The following SLC9A9 variants were observed in gnomAD, a reference collection of about 807,000 sequenced individuals.
SLC9A9 encodes sodium/hydrogen exchanger 9.
Under a neutral mutation model 77.8 loss-of-function variants are expected in SLC9A9, and 62 were observed. The observed-to-expected ratio is 0.80, with a 90% CI of 0.65 to 0.98. SLC9A9 has a LOEUF of 0.98. Ranked by LOEUF, SLC9A9 falls within the 50% of genes least tolerant of loss-of-function variation. The pLI is 0.00. For missense variants in SLC9A9, 775 were observed against 774.9 expected, an observed-to-expected ratio of 1.00 and a Z score of 0.00; for synonymous variants, 320 against 283.5, an observed-to-expected ratio of 1.13 and a Z score of -1.29.
intron 6 of SLC9A9, among the ~76,000 whole-genome samples, chr3:143,601,612 T>C (rs1011326551): frequency 1.3e-5 from 2 of 152,216 alleles, no homozygotes; most frequent in Non-Finnish European, 2.9e-5. Flanking sequence ...CAAAATCTGG[T>C]ATTAAACCAC....
At chr3:143,703,437 T>C (rs1040698060) in intron 4 of SLC9A9, among the ~76,000 whole-genome samples, 31 of 151,862 alleles carry the variant, frequency 2.0e-4, no homozygotes, top group African/African-American at 7.3e-4. Context: ...TACAAACACA[T>C]GAAAATTAAG....
intron 6 of SLC9A9, among the ~76,000 whole-genome samples, chr3:143,640,822 A>G (rs2038609046): frequency 6.6e-6 from 1 of 152,242 alleles, no homozygotes; most frequent in African/African-American, 2.4e-5. Context: ...ACTGCATTAC[A>G]GCCTGGGCAA....
intron 12 of SLC9A9, among the ~76,000 whole-genome samples, chr3:143,389,170 T>C (rs2033495696): frequency 6.6e-6 from 1 of 152,038 alleles, no homozygotes; most frequent in South Asian, 2.1e-4. Flanking sequence ...CAGTAGGGGG[T>C]GAAATAATTA....
At chr3:143,545,889 G>A (rs1163366482) in intron 9 of SLC9A9, among the ~76,000 whole-genome samples, 1 of 152,156 alleles carries the variant, frequency 6.6e-6, no homozygotes, top group East Asian at 1.9e-4. Context: ...TTAATCAAGT[G>A]ATCCCTACTC....
Position 143,298,067 on chromosome 3 carries a change from T to C in SLC9A9, c.1605-29087A>G, listed in dbSNP as rs575195855. Among the ~76,000 whole-genome samples, 9 of 152,356 alleles carry C rather than the reference T, an allele frequency of 5.9e-5. No homozygotes were observed. The East Asian group carries it at 9.6e-4, about 16-fold the overall frequency. On this transcript the variant is annotated intron_variant, in intron 14 of 15. Transcript: ENST00000316549. ...AGTTGCATTTTGTCAAGGCAAAGAATGGCTTTTTTATTGCATGAATGAGAA... is the reference window on the plus strand; with the variant it reads ...AGTTGCATTTTGTCAAGGCAAAGAACGGCTTTTTTATTGCATGAATGAGAA...
At chr3:143,332,109 C>A (rs2031789465) in intron 14 of SLC9A9, among the ~76,000 whole-genome samples, 1 of 152,100 alleles carries the variant, frequency 6.6e-6, no homozygotes, top group African/African-American at 2.4e-5. Flanking sequence ...GGAAATGCAA[C>A]TAGAGAAATA....
intron 4 of SLC9A9, among the ~76,000 whole-genome samples, chr3:143,765,632 A>G (rs1020951872): frequency 2.0e-5 from 3 of 152,236 alleles, no homozygotes; most frequent in Non-Finnish European, 2.9e-5. Context: ...GATTGTTGAT[A>G]TAAGTGACCA....
At chr3:143,518,269 G>A (rs548391758) in intron 9 of SLC9A9, 250 of 1,456,364 alleles carry the variant, frequency 1.7e-4, no homozygotes, top group Non-Finnish European at 1.3e-4. Flanking sequence ...GCTGCAGCCC[G>A]GTTCCAGGCC....
chr3:143,390,746 C>T (rs935539627), intron 12 of SLC9A9, among the ~76,000 whole-genome samples: 3 of 152,298 alleles, frequency 2.0e-5, no homozygotes, highest in Admixed American at 2.0e-4. Flanking sequence ...TGGGTCACTC[C>T]CACCCTAATA....
In SLC9A9 at chr3:143,574,069, T is replaced by C; in HGVS notation, c.1000+19A>G. ...ACATATTCACACATCCAGTTGGCTG[T>C]GCAGCATGAAGCACTGACCTGTTAG... On this transcript the variant is annotated intron_variant, in intron 8 of 15. Transcript: ENST00000316549. 6.2e-7 allele frequency: 1 copy of C among 1,606,750 alleles called. No individual in the cohort carries two copies. The highest frequency in any genetic ancestry group is 8.5e-7 in the Non-Finnish European group (1 of 1,173,948).
At chr3:143,656,939 A>G (rs1328916796) in intron 5 of SLC9A9, among the ~76,000 whole-genome samples, 1 of 152,210 alleles carries the variant, frequency 6.6e-6, no homozygotes, top group African/African-American at 2.4e-5. Flanking sequence ...TCTTTTTCTA[A>G]GAAGGAGGAT....
intron 12 of SLC9A9, among the ~76,000 whole-genome samples, chr3:143,430,982 C>T (rs1487702091): frequency 1.3e-5 from 2 of 152,206 alleles, no homozygotes; most frequent in Non-Finnish European, 2.9e-5. Flanking sequence ...ACAAAAAGAG[C>T]CTCATCACTG....
chr3:143,623,446 C>G (rs1461321277), intron 6 of SLC9A9, among the ~76,000 whole-genome samples: 1 of 152,130 alleles, frequency 6.6e-6, no homozygotes, highest in African/African-American at 2.4e-5. Flanking sequence ...AACTAGAACT[C>G]AGGATTAAGA....
intron 6 of SLC9A9, chr3:143,627,298 A>G (rs2038346826): frequency 5.2e-6 from 1 of 192,458 alleles, no homozygotes; most frequent in Non-Finnish European, 1.1e-5. Context: ...AACATTATAC[A>G]TGGTGCACTT....
chr3:143,593,880 A>C (rs544957235), intron 6 of SLC9A9, among the ~76,000 whole-genome samples: 3 of 152,308 alleles, frequency 2.0e-5, no homozygotes, highest in South Asian at 4.1e-4. Flanking sequence ...TAAACCCCAC[A>C]AACCTAATGC....
At chr3:143,626,137 GA>G (rs1188606136) in intron 6 of SLC9A9, among the ~76,000 whole-genome samples, 1 of 152,310 alleles carries the variant, frequency 6.6e-6, no homozygotes, top group African/African-American at 2.4e-5. Flanking sequence ...AGAGGATGTG[GA>G]GAAATAGGAA....
rs1184452395 is a variant in SLC9A9, at chr3:143,293,876, C to T, written c.1605-24896G>A. 3.3e-5 allele frequency among the ~76,000 whole-genome samples: 5 copies of T among 152,050 alleles called. No homozygotes were observed. In the East Asian group the frequency reaches 5.8e-4, roughly 18 times the overall value. On this transcript the variant is annotated intron_variant, in intron 14 of 15. Transcript: ENST00000316549. Reference sequence around the variant, plus strand: ...GTCAATGTTTTGAATGTCTCTGTAACCCTTGCAGAAAGTATTCATTGTTAA... The same window carrying T: ...GTCAATGTTTTGAATGTCTCTGTAATCCTTGCAGAAAGTATTCATTGTTAA...
chr3:143,575,500 A>C (rs1020585179), intron 7 of SLC9A9, among the ~76,000 whole-genome samples: 8 of 152,144 alleles, frequency 5.3e-5, no homozygotes, highest in African/African-American at 1.7e-4. Flanking sequence ...CTGTGGTCTA[A>C]ATTAATTTTT....
At chr3:143,382,143 T>C in intron 12 of SLC9A9, 29 bp from the exon 13 acceptor site, 1 of 1,613,486 alleles carries the variant, frequency 6.2e-7, no homozygotes, top group Non-Finnish European at 8.5e-7. Flanking sequence ...AACTGGTCAA[T>C]CCCCTGCTGC....
Sources: allele counts gnomAD v4.1 joint callset (sites outside exome capture counted in the v4.1 genomes callset), GRCh38; gene constraint gnomAD v4.1.1; transcripts MANE v1.5; gene names NCBI Gene and HGNC (gene_info 2026-07-23, HGNC 2026-07-21).